The following PRKG2 variants were observed in gnomAD, a reference collection of about 807,000 sequenced individuals.
PRKG2 encodes the protein cGMP-dependent protein kinase 2.
PRKG2 carries 33 observed loss-of-function variants against 97.2 expected under a neutral mutation model. The ratio of observed to expected loss-of-function variants is 0.34; its 90% CI spans 0.26 to 0.45. The LOEUF (loss-of-function observed/expected upper bound fraction) is 0.45. PRKG2 is among the 20% of genes least tolerant of loss of function. The pLI, the probability that PRKG2 is intolerant of heterozygous loss-of-function variation, is 1.00. For missense variants in PRKG2, 638 were observed against 900.0 expected (o/e 0.71, Z 3.73); for synonymous variants, 330 against 321.8 (o/e 1.03, Z -0.27).
chr4:81,173,487 G>A (rs1750665146), intron 3 of PRKG2, among the ~76,000 whole-genome samples: 1 of 152,076 alleles, frequency 6.6e-6, no homozygotes, highest in Non-Finnish European at 1.5e-5. Context: ...CAATACTCTA[G>A]TGTTGCTAAA....
At chr4:81,179,144 A>T (rs990930838) in intron 2 of PRKG2, among the ~76,000 whole-genome samples, 1 of 151,988 alleles carries the variant, frequency 6.6e-6, no homozygotes, top group Non-Finnish European at 1.5e-5. Flanking sequence ...CAAAAAAAAA[A>T]AGAAAAGAAA....
chr4:81,111,817 T>A (rs1469191621), intron 14 of PRKG2, among the ~76,000 whole-genome samples: 1 of 152,204 alleles, frequency 6.6e-6, no homozygotes, highest in South Asian at 2.1e-4. Context: ...CAGGGGTATT[T>A]AGCAAATACT....
intron 10 of PRKG2, 37 bp downstream of exon 10, chr4:81,144,195 A>G: frequency 6.5e-7 from 1 of 1,543,772 alleles, no homozygotes. Flanking sequence ...GGCTGCCAGA[A>G]GTCAGCTCCG....
intron 2 of PRKG2, among the ~76,000 whole-genome samples, chr4:81,190,582 C>A (rs545291365): frequency 3.3e-5 from 5 of 152,156 alleles, no homozygotes; most frequent in Admixed American, 2.0e-4. Flanking sequence ...CCAAAATTGA[C>A]AAATGGGATC....
At chr4:81,216,712 T>G (rs1463053472), upstream of PRKG2, among the ~76,000 whole-genome samples, 1 of 152,012 alleles carries the variant, frequency 6.6e-6, no homozygotes, top group East Asian at 1.9e-4. Context: ...GAGTCCCCAG[T>G]GTCTGTTATT....
At chr4:81,173,397 T>A (rs1158366619) in intron 3 of PRKG2, among the ~76,000 whole-genome samples, 2 of 152,140 alleles carry the variant, frequency 1.3e-5, no homozygotes, top group African/African-American at 4.8e-5. Flanking sequence ...AGGAACGAGA[T>A]AGGCTTACAT....
intron 6 of PRKG2, among the ~76,000 whole-genome samples, chr4:81,161,560 A>T (rs563369323): frequency 1.7e-4 from 26 of 152,206 alleles, no homozygotes; most frequent in African/African-American, 5.8e-4. Context: ...GGGAAAATTC[A>T]TTTTCAAGGT....
At chr4:81,169,353 C>G (rs1269801648) in intron 5 of PRKG2, among the ~76,000 whole-genome samples, 1 of 152,078 alleles carries the variant, frequency 6.6e-6, no homozygotes, top group Admixed American at 6.6e-5. Flanking sequence ...AAATGCCTTT[C>G]AAAGCCAACT....
intron 2 of PRKG2, among the ~76,000 whole-genome samples, chr4:81,198,970 C>T (rs894403684): frequency 6.6e-6 from 1 of 152,126 alleles, no homozygotes; most frequent in Non-Finnish European, 1.5e-5. Context: ...CAGATCACCA[C>T]AAAACTGGAT....
chr4:81,090,577 A>G (rs1346971247), intron 18 of PRKG2, among the ~76,000 whole-genome samples: 1 of 152,214 alleles, frequency 6.6e-6, no homozygotes, highest in East Asian at 1.9e-4. Context: ...TTATGCTGGT[A>G]TTAAATTATT....
At chr4:81,130,549 T>C (rs1746073073) in intron 14 of PRKG2, among the ~76,000 whole-genome samples, 1 of 152,152 alleles carries the variant, frequency 6.6e-6, no homozygotes, top group Non-Finnish European at 1.5e-5. Flanking sequence ...TCTTCAGAGC[T>C]GGCAGGCAGG....
intron 9 of PRKG2, among the ~76,000 whole-genome samples, chr4:81,146,349 C>T (rs942262201): frequency 6.6e-6 from 1 of 152,110 alleles, no homozygotes; most frequent in African/African-American, 2.4e-5. Flanking sequence ...AATTCAGATG[C>T]TATAGCCTGA....
At chr4:81,177,976 G>A (rs995478644) in intron 2 of PRKG2, among the ~76,000 whole-genome samples, 3 of 151,264 alleles carry the variant, frequency 2.0e-5, no homozygotes, top group African/African-American at 7.3e-5. Context: ...AAAGACAAAA[G>A]TTCAGGTTTA....
chr4:81,205,205 A>AT, intron 1 of PRKG2, 145 bp from the exon 2 acceptor site: 1 of 558,654 alleles, frequency 1.8e-6, no homozygotes, highest in Non-Finnish European at 2.9e-6. Context: ...CGAAGTTTCC[A>AT]GAAAAAAAAA....
intron 14 of PRKG2, among the ~76,000 whole-genome samples, chr4:81,116,812 G>C (rs1172895067): frequency 7.2e-6 from 1 of 138,244 alleles, no homozygotes; most frequent in Admixed American, 7.1e-5. Flanking sequence ...CCACATGTAT[G>C]TCTTCTTTGA....
intron 14 of PRKG2, 49 bp downstream of exon 14, chr4:81,135,106 C>T: frequency 2.7e-6 from 4 of 1,501,870 alleles, no homozygotes; most frequent in Non-Finnish European, 3.6e-6. Flanking sequence ...ACAACTTTTG[C>T]CAGGGGAAAT....
chr4:81,127,596 A>G (rs533463348), intron 14 of PRKG2, among the ~76,000 whole-genome samples: 3 of 152,246 alleles, frequency 2.0e-5, no homozygotes, highest in South Asian at 2.1e-4. Flanking sequence ...CTTTGTAGCA[A>G]TTGTGAAAAG....
At position 81,197,446 on chromosome 4, in the gene PRKG2, T is replaced by C. The variant is rs979575549; in HGVS notation, c.461+7141A>G. ...GCAGATCCAGAAACTGCTATAAATA[T>C]CCTACATAAATTAAAACAATAGCAA... On this transcript the variant is annotated intron_variant, in intron 2 of 18. Transcript: ENST00000264399. 3.3e-5 allele frequency among the ~76,000 whole-genome samples: 5 copies of C among 152,150 alleles called. No individual in the cohort carries two copies. The East Asian group carries it at 5.8e-4, about 18-fold the overall frequency.
At chr4:81,191,237 G>A (rs970686019) in intron 2 of PRKG2, among the ~76,000 whole-genome samples, 5 of 152,104 alleles carry the variant, frequency 3.3e-5, no homozygotes, top group Non-Finnish European at 5.9e-5. Flanking sequence ...TATACACCAC[G>A]GAATACTATG....
Sources: allele counts gnomAD v4.1 joint callset (sites outside exome capture counted in the v4.1 genomes callset), GRCh38; gene constraint gnomAD v4.1.1; transcripts MANE v1.5; gene names NCBI Gene and HGNC (gene_info 2026-07-23, HGNC 2026-07-21).